Variants in DDX11 observed in about 807,000 individuals in gnomAD.
DDX11 encodes the protein DEAD/H-box helicase 11, also known as ATP-dependent DNA helicase DDX11.
A neutral mutation model predicts 125.2 loss-of-function variants in DDX11; 72 were observed. That is an observed-to-expected ratio of 0.58 (90% confidence interval 0.48 to 0.70). The LOEUF is 0.70. Ranked by LOEUF, DDX11 falls within the 30% of genes least tolerant of loss-of-function variation. DDX11 has a pLI of 0.00. For missense variants in DDX11, 883 were observed against 1,165.0 expected (o/e 0.76, Z 3.52); for synonymous variants, 347 against 452.6 (o/e 0.77, Z 2.96).
At chr12:31,101,383 C>A (rs6487976) in intron 20 of DDX11, 289,599 of 566,698 alleles carry the variant, frequency 0.51, 78,054 homozygotes, top group East Asian at 0.84. Flanking sequence ...TCTGAGGACG[C>A]CTCACACAGG....
chr12:31,089,460 C>CGCTG lies in DDX11; in HGVS notation c.851_854dup (p.Cys285TrpfsTer17). 1 of 1,613,924 alleles carries CGCTG rather than the reference C, an allele frequency of 6.2e-7. No homozygotes were observed. Among genetic ancestry groups the CGCTG allele is most frequent in the Non-Finnish European group, 8.5e-7 (1 of 1,179,824 alleles). On this transcript the variant is annotated frameshift_variant, in exon 8 of 27. Transcript: ENST00000542838. LOFTEE classifies it high-confidence loss of function. ...AGGTTCTGTGCAGCTTATCAACGAC[C>CGCTG]GCTGTGTGGACATGCAGAGAAGCAG... is the stretch of plus-strand genomic sequence containing the variant.
rs778321919 is a variant in DDX11 at position 31,090,014 on chromosome 12, A to G, written c.1009A>G (p.Met337Val). The change falls in exon 9 of 27, where the codon ATG (methionine) becomes GTG (valine). Residue 337 changes from methionine to valine, a missense_variant. By Grantham distance (21) the Met-to-Val change is conservative. Coordinates refer to ENST00000542838, the MANE Select transcript of DDX11 (RefSeq NM_030653.4). Reference protein sequence around the residue: ...RDEALAEVKDMEQLLALGKEA... With the variant: ...RDEALAEVKDVEQLLALGKEA... ...TGAGGCCCTGGCAGAGGTGAAGGAC[A>G]TGGAGCAGCTGCTGGCCCTTGGGAA... The G allele has an allele frequency of 7.7e-5, 120 of 1,564,162 alleles. No homozygotes were observed. Among genetic ancestry groups the G allele is most frequent in the Middle Eastern group, 2.3e-4 (1 of 4,390 alleles).
At position 31,085,024 on chromosome 12, in the gene DDX11, A is replaced by G; in HGVS notation, c.536A>G (p.Glu179Gly). The change falls in exon 5 of 27, where the codon GAG becomes GGG. Residue 179 changes from glutamate to glycine, a missense_variant. By Grantham distance (98) the Glu-to-Gly change is moderately conservative. Around this residue, in one of 5 missense-constraint regions of DDX11, gnomAD observed 283 missense variants for 359.6 expected, o/e 0.79. Coordinates refer to ENST00000542838, the MANE Select transcript of DDX11 (RefSeq NM_030653.4). ...NLLRLSREML[E>G]TGPEAERLEQ... ...CTCCGCCTCAGCAGGGAGATGCTAG[A>G]GACAGGCCCGGAGGCTGAGCGGCTG... 6 of 1,612,012 alleles carry G rather than the reference A, an allele frequency of 3.7e-6. No individual in the cohort carries two copies. Among genetic ancestry groups the G allele is most frequent in the Non-Finnish European group, 5.1e-6 (6 of 1,178,956 alleles).
intron 15 of DDX11, 107 bp downstream of exon 15, chr12:31,096,486 C>A: frequency 6.2e-7 from 1 of 1,604,648 alleles, no homozygotes; most frequent in Non-Finnish European, 8.5e-7. Context: ...GAGTCCCCTT[C>A]GTCTCCACTC....
At position 31,104,016 on chromosome 12, in the gene DDX11, T is replaced by A. The variant is rs1565943857; in HGVS notation, c.*180T>A. 6.4e-7 allele frequency: 1 copy of A among 1,554,272 alleles called. No individual in the cohort carries two copies. The highest frequency in any genetic ancestry group is 2.0e-5 in the Admixed American group (1 of 51,148). On this transcript the variant is annotated 3_prime_UTR_variant, in exon 27 of 27. Coordinates refer to ENST00000542838, the MANE Select transcript of DDX11 (RefSeq NM_030653.4). ...AGGCGTTAGCTCCCGTAGGAGAAAA[T>A]GGGGGAATCCTGAATGAACAGTGGG...
intron 7 of DDX11, 50 bp downstream of exon 7, chr12:31,089,201 A>G (rs1448803524): frequency 4.5e-6 from 7 of 1,546,526 alleles, no homozygotes; most frequent in African/African-American, 2.7e-5. Flanking sequence ...TCCTTTCGCC[A>G]CAACTTTGTC....
rs1323428543 is a variant in DDX11, at chr12:31,089,873, G to C, written c.881-13G>C. 2 of 1,610,406 alleles carry C rather than the reference G, an allele frequency of 1.2e-6. No individual in the cohort carries two copies. Among genetic ancestry groups the C allele is most frequent in the East Asian group, 4.5e-5 (2 of 44,820 alleles). On this transcript the variant is annotated splice_polypyrimidine_tract_variant and intron_variant, in intron 8 of 26. Transcript: ENST00000542838. ...CTCTCTGTTTTCTCTCTTTGTGCCT[G>C]TGCCACCCTCAGAGAAGAAGAAAGG...
chr12:31,097,880 T>C lies in DDX11; in HGVS notation c.1763-5T>C, dbSNP rs1945597414. The C allele has an allele frequency of 1.2e-6, 2 of 1,609,834 alleles. No homozygotes were observed. Among genetic ancestry groups the C allele is most frequent in the Non-Finnish European group, 8.5e-7 (1 of 1,177,164 alleles). On this transcript the variant is annotated splice_polypyrimidine_tract_variant and splice_region_variant and intron_variant, in intron 17 of 26. Transcript: ENST00000542838. Reference sequence around the variant, plus strand: ...CACTCACCTCCCACCGATCTGTTTTTCCAGGCAGCCTCAGTCAGAGCACCC... The same window carrying C: ...CACTCACCTCCCACCGATCTGTTTTCCCAGGCAGCCTCAGTCAGAGCACCC...
chr12:31,087,929 C>T lies in DDX11; in HGVS notation c.639-9C>T, dbSNP rs1423378100. ...GAAGACTGTTTTCTGTTCTCTCTCACACACACAGAGTGGATGAGGATGAGG... is the reference window on the plus strand; with the variant it reads ...GAAGACTGTTTTCTGTTCTCTCTCATACACACAGAGTGGATGAGGATGAGG... On this transcript the variant is annotated splice_polypyrimidine_tract_variant and intron_variant, in intron 5 of 26. Coordinates refer to ENST00000542838, the MANE Select transcript of DDX11 (RefSeq NM_030653.4). 2 of 1,608,008 alleles carry T rather than the reference C, an allele frequency of 1.2e-6. No individual in the cohort carries two copies. The highest frequency in any genetic ancestry group is 1.7e-5 in the Admixed American group (1 of 58,806).
chr12:31,084,077 T>A lies in DDX11; in HGVS notation c.393+16T>A. The A allele has an allele frequency of 6.2e-7, 1 of 1,613,718 alleles. No individual in the cohort carries two copies. Among genetic ancestry groups the A allele is most frequent in the Non-Finnish European group, 8.5e-7 (1 of 1,179,802 alleles). On this transcript the variant is annotated intron_variant, in intron 3 of 26. Transcript: ENST00000542838. ...CCGACTAAAGGTGAGACCTGGGGTA[T>A]CCGGAAGTGGGAGTACTGGAGGAAA...
chr12:31,099,206 A>G (rs974935560), intron 18 of DDX11, among the ~76,000 whole-genome samples: 6 of 146,392 alleles, frequency 4.1e-5, no homozygotes, highest in African/African-American at 1.0e-4. Context: ...TCATGCCTCA[A>G]CCTCCTGAGT....
At chr12:31,103,461 G>A in intron 25 of DDX11, 66 bp downstream of exon 25, 2 of 1,601,266 alleles carry the variant, frequency 1.2e-6, no homozygotes, top group Admixed American at 1.7e-5. Flanking sequence ...CAGGAAAGAG[G>A]GGTTGCCTGC....
At chr12:31,090,716 A>T (rs1159385118) in intron 9 of DDX11, among the ~76,000 whole-genome samples, 1 of 152,204 alleles carries the variant, frequency 6.6e-6, no homozygotes, top group Non-Finnish European at 1.5e-5. Flanking sequence ...GTGACTTTGG[A>T]AACGGGATAT....
At chr12:31,095,808 TCTCATCA>T (rs1945123889) in intron 14 of DDX11, among the ~76,000 whole-genome samples, 1 of 152,106 alleles carries the variant, frequency 6.6e-6, no homozygotes, top group Non-Finnish European at 1.5e-5. Flanking sequence ...GGGTCTCGGG[TCTCATCA>T]CTCACCATTG....
chr12:31,086,776 C>T (rs1392922498), intron 5 of DDX11, among the ~76,000 whole-genome samples: 1 of 137,980 alleles, frequency 7.2e-6, no homozygotes, highest in Non-Finnish European at 1.5e-5. Context: ...CCTCGGAGGA[C>T]CTGAGTTCTG....
chr12:31,102,700 G>T (rs1946603319), intron 23 of DDX11, 173 bp downstream of exon 23: 2 of 713,108 alleles, frequency 2.8e-6, no homozygotes, highest in East Asian at 5.4e-5. Context: ...GGTCCTGGGA[G>T]AGCAGTTGGA....
chr12:31,080,585 G>A (rs4031360), intron 2 of DDX11, among the ~76,000 whole-genome samples: 79,812 of 150,490 alleles, frequency 0.53, 22,236 homozygotes, highest in East Asian at 0.81. Flanking sequence ...GGGACACTTG[G>A]GCTTGAGTGT....
intron 17 of DDX11, among the ~76,000 whole-genome samples, chr12:31,097,418 G>A (rs529054715): frequency 7.2e-6 from 1 of 138,788 alleles, no homozygotes; most frequent in African/African-American, 2.9e-5. Context: ...GGTGGCTCAC[G>A]CCTATAATCC....
intron 2 of DDX11, 86 bp downstream of exon 2, chr12:31,078,623 C>T: frequency 6.3e-7 from 1 of 1,599,460 alleles, no homozygotes; most frequent in Non-Finnish European, 8.5e-7. Flanking sequence ...CAGAGATTTT[C>T]ATAGTTTGAA....
Sources: allele counts gnomAD v4.1 joint callset (sites outside exome capture counted in the v4.1 genomes callset), GRCh38; gene constraint gnomAD v4.1.1; regional missense constraint gnomAD v4.1.1; transcripts MANE v1.5; gene names NCBI Gene and HGNC (gene_info 2026-07-23, HGNC 2026-07-21).